SLCO2A1: variants seen among roughly 807,000 people sequenced by gnomAD.
The protein encoded by SLCO2A1 is solute carrier organic anion transporter family member 2A1.
In SLCO2A1, 60 loss-of-function variants were observed where a neutral mutation model predicts 71.7. That is an observed-to-expected ratio of 0.84 (90% confidence interval 0.68 to 1.04). The LOEUF is 1.04. Among genes scored for constraint, SLCO2A1 ranks in the 50% least tolerant of loss-of-function variants. The pLI, the probability that SLCO2A1 is intolerant of heterozygous loss-of-function variation, is 0.00. For missense variants in SLCO2A1, 745 were observed against 813.4 expected, an observed-to-expected ratio of 0.92 and a Z score of 1.02; for synonymous variants, 308 against 326.7, an observed-to-expected ratio of 0.94 and a Z score of 0.62.
chr3:133,982,085 T>C (rs1934607373), intron 1 of SLCO2A1, among the ~76,000 whole-genome samples: 1 of 151,584 alleles, frequency 6.6e-6, no homozygotes. Flanking sequence ...AGCCACATTA[T>C]AGGTTATAGG....
intron 3 of SLCO2A1, among the ~76,000 whole-genome samples, chr3:133,971,000 G>A (rs1576440506): frequency 6.6e-6 from 1 of 152,400 alleles, no homozygotes; most frequent in Non-Finnish European, 1.5e-5. Context: ...ACAGAGTGAA[G>A]TTGTCTTAAC....
At chr3:133,988,518 G>A (rs920209819) in intron 1 of SLCO2A1, among the ~76,000 whole-genome samples, 3 of 152,124 alleles carry the variant, frequency 2.0e-5, no homozygotes, top group Admixed American at 6.5e-5. Context: ...GCTGCACCCC[G>A]ACCACCATGG....
At chr3:133,991,506 G>T (rs1934844722) in intron 1 of SLCO2A1, among the ~76,000 whole-genome samples, 1 of 152,238 alleles carries the variant, frequency 6.6e-6, no homozygotes, top group South Asian at 2.1e-4. Context: ...TGGGGTCAAA[G>T]TTGGTGATAT....
In SLCO2A1 at chr3:133,979,579, G is replaced by T; in HGVS notation, c.136C>A (p.Leu46Ile). 1 of 1,614,052 alleles carries T rather than the reference G, an allele frequency of 6.2e-7. No homozygotes were observed. The highest frequency in any genetic ancestry group is 8.5e-7 in the Non-Finnish European group (1 of 1,179,954). The change falls in exon 2 of 14, where the codon CTC becomes ATC. Residue 46 changes from leucine (L) to isoleucine (I), a missense_variant. By Grantham distance (5) the Leu-to-Ile change is conservative. Transcript: ENST00000310926. ...CTCTTGAAGTAGGCGCTGTACAGGA[G>T]TTGGCAGAGCTGCAGGAGGCCTTGG... ...LCQGLLQLCQ[L>I]LYSAYFKSSL...
intron 2 of SLCO2A1, among the ~76,000 whole-genome samples, chr3:133,976,386 T>TGA (rs1226532613): frequency 6.6e-6 from 1 of 152,122 alleles, no homozygotes; most frequent in Non-Finnish European, 1.5e-5. Flanking sequence ...AAGGCCTGGG[T>TGA]GAGGGTCAGT....
intron 1 of SLCO2A1, among the ~76,000 whole-genome samples, chr3:133,985,320 C>A (rs143959531): frequency 6.6e-6 from 1 of 152,224 alleles, no homozygotes; most frequent in Non-Finnish European, 1.5e-5. Context: ...TTTAAGTCAA[C>A]CTTCCCATGC....
intron 3 of SLCO2A1, among the ~76,000 whole-genome samples, chr3:133,965,054 C>T (rs1357818104): frequency 6.6e-6 from 1 of 152,148 alleles, no homozygotes; most frequent in African/African-American, 2.4e-5. Flanking sequence ...TACTCCCCCA[C>T]CCTGATGGGT....
chr3:133,973,862 G>A, intron 2 of SLCO2A1, 37 bp from the exon 3 acceptor site: 3 of 1,587,692 alleles, frequency 1.9e-6, no homozygotes, highest in Non-Finnish European at 2.6e-6. Context: ...GAGACAAGAG[G>A]CCCTGTCCTC....
At chr3:133,991,064 C>T (rs977154727) in intron 1 of SLCO2A1, among the ~76,000 whole-genome samples, 3 of 151,986 alleles carry the variant, frequency 2.0e-5, no homozygotes, top group East Asian at 1.9e-4. Flanking sequence ...GAGCCAAGAT[C>T]GCACCACAGC....
rs572851912 is a variant in SLCO2A1 at position 133,974,780 on chromosome 3, G to T, written c.235-955C>A. Among the ~76,000 whole-genome samples the T allele has an allele frequency of 2.6e-5, 4 of 152,286 alleles. No individual in the cohort carries two copies. The South Asian group carries it at 8.3e-4, about 32-fold the overall frequency. On this transcript the variant is annotated intron_variant, in intron 2 of 13. Coordinates refer to ENST00000310926, the MANE Select transcript of SLCO2A1 (RefSeq NM_005630.3). ...CACCAAAGATGGTCCTCTCCTCAGA[G>T]CACAGTTCACCTGGACTGGAGGAGC...
chr3:134,027,662 C>A (rs1473445948), intron 1 of SLCO2A1, among the ~76,000 whole-genome samples: 1 of 152,186 alleles, frequency 6.6e-6, no homozygotes, highest in East Asian at 1.9e-4. Context: ...TCATACATGT[C>A]CCAAGATATG....
In SLCO2A1 at chr3:133,955,067, A is replaced by C; in HGVS notation, c.524T>G (p.Val175Gly). Residue 175 changes from valine (V) to glycine (G), a missense_variant, in exon 4 of 14, where the codon GTT becomes GGT. Transcript: ENST00000310926. ...ETSSMWGLMV[V>G]AQLLAGIGTV... ...CCCGATGCCAGCCAGCAGCTGGGCA[A>C]CCACCATCAGGCCCCACATGCTGCT... is the stretch of plus-strand genomic sequence containing the variant. 6.2e-7 allele frequency: 1 copy of C among 1,614,100 alleles called. No homozygotes were observed. The highest frequency in any genetic ancestry group is 8.5e-7 in the Non-Finnish European group (1 of 1,180,002).
intron 1 of SLCO2A1, among the ~76,000 whole-genome samples, chr3:133,984,509 G>A (rs1351934686): frequency 1.6e-4 from 24 of 152,192 alleles, no homozygotes. Flanking sequence ...GGAAGTCGAT[G>A]GATGGTTCTG....
chr3:134,029,273 C>CG (rs1935767901), intron 1 of SLCO2A1, among the ~76,000 whole-genome samples: 2 of 152,006 alleles, frequency 1.3e-5, no homozygotes, highest in Non-Finnish European at 2.9e-5. Context: ...CCCCAAAGCG[C>CG]GGGGGGTCCC....
At position 134,016,168 on chromosome 3, in the gene SLCO2A1, T is replaced by G. The variant is rs866047810; in HGVS notation, c.96+13539A>C. The stretch of plus-strand genomic sequence containing the variant: ...GACACCAAAAGCAGGATCCAGAAAA[T>G]TGAAAATTGATAAATTAAAATTCAT... On this transcript the variant is annotated intron_variant, in intron 1 of 13. Transcript: ENST00000310926. 2.0e-5 allele frequency among the ~76,000 whole-genome samples: 3 copies of G among 152,208 alleles called. No individual in the cohort carries two copies. In the East Asian group the frequency reaches 5.8e-4, roughly 29 times the overall value.
intron 1 of SLCO2A1, among the ~76,000 whole-genome samples, chr3:133,999,882 T>A (rs1273282196): frequency 2.0e-5 from 3 of 152,232 alleles, no homozygotes; most frequent in Non-Finnish European, 4.4e-5. Flanking sequence ...TTTATCTCTA[T>A]CTGGCCATCA....
In SLCO2A1 at chr3:133,938,457, C is replaced by G. The variant is rs1933329844; in HGVS notation, c.1662G>C (p.Gly554=). ...GCAAGCGCATCAACAAGAACTGCAC[C>G]CCGATGGCAAATGACTTTTCCTCCT... ...VNQEEKSFAI[G]VQFLLMRLLA... Residue 554 remains glycine (G), a synonymous_variant, in exon 12 of 14, where the codon GGG becomes GGC. Transcript: ENST00000310926. 1 of 1,613,986 alleles carries G rather than the reference C, an allele frequency of 6.2e-7. No individual in the cohort carries two copies. The highest frequency in any genetic ancestry group is 1.7e-5 in the Admixed American group (1 of 60,010).
intron 3 of SLCO2A1, among the ~76,000 whole-genome samples, chr3:133,964,413 A>G (rs545985593): frequency 5.5e-4 from 83 of 152,250 alleles, no homozygotes; most frequent in Non-Finnish European, 1.0e-3. Flanking sequence ...AGAGATGAGT[A>G]ACTGTGAGAA....
intron 1 of SLCO2A1, among the ~76,000 whole-genome samples, chr3:133,997,978 C>T (rs1008758343): frequency 2.0e-5 from 3 of 152,208 alleles, no homozygotes; most frequent in African/African-American, 7.2e-5. Context: ...AGCTCACAGC[C>T]TTGCTCACGG....
Sources: gnomAD v4.1 joint callset for allele counts (sites outside exome capture counted in the v4.1 genomes callset) on GRCh38, gnomAD v4.1.1 for gene constraint, MANE v1.5 for transcripts, NCBI Gene and HGNC (gene_info 2026-07-23, HGNC 2026-07-21) for gene names.